Variants in ZBTB20 observed in about 807,000 individuals in gnomAD.
The protein encoded by ZBTB20 is zinc finger and BTB domain-containing protein 20.
Under a neutral mutation model 56.9 loss-of-function variants are expected in ZBTB20, and 9 were observed. The ratio of observed to expected loss-of-function variants is 0.16; its 90% CI spans 0.10 to 0.28. The LOEUF is 0.28. Ranked by LOEUF, ZBTB20 falls within the 10% of genes least tolerant of loss-of-function variation. The pLI is 1.00. For missense variants in ZBTB20, 655 were observed against 1,003.0 expected (o/e 0.65, Z 4.69); for synonymous variants, 417 against 420.7 (o/e 0.99, Z 0.11).
intron 1 of ZBTB20, among the ~76,000 whole-genome samples, chr3:115,131,202 T>C (rs1361133137): frequency 1.3e-5 from 2 of 152,196 alleles, no homozygotes; most frequent in Non-Finnish European, 2.9e-5. Flanking sequence ...ATATTTCCTC[T>C]CATAAATAGT....
chr3:114,817,720 T>C (rs1417070822), intron 4 of ZBTB20, among the ~76,000 whole-genome samples: 1 of 152,230 alleles, frequency 6.6e-6, no homozygotes, highest in South Asian at 2.1e-4. Flanking sequence ...GTGTTGTAAT[T>C]CATAATAACT....
chr3:115,146,728 G>A (rs1488417633), intron 1 of ZBTB20, among the ~76,000 whole-genome samples: 1 of 152,186 alleles, frequency 6.6e-6, no homozygotes, highest in Non-Finnish European at 1.5e-5. Context: ...AGCGGGGGAG[G>A]GCGAGGAGGG....
chr3:114,873,150 T>C (rs1356090510), intron 4 of ZBTB20: 1 of 152,160 alleles, frequency 6.6e-6, no homozygotes, highest in African/African-American at 2.4e-5. Context: ...CTGAATATCA[T>C]GAGAAACTAT....
At chr3:115,062,168 C>T (rs1389095775) in intron 2 of ZBTB20, among the ~76,000 whole-genome samples, 4 of 152,140 alleles carry the variant, frequency 2.6e-5, no homozygotes, top group Non-Finnish European at 4.4e-5. Context: ...GCCTGGAGAA[C>T]GTCCATCAGA....
At chr3:114,822,725 T>C (rs1163776969) in intron 4 of ZBTB20, among the ~76,000 whole-genome samples, 1 of 152,080 alleles carries the variant, frequency 6.6e-6, no homozygotes, top group Non-Finnish European at 1.5e-5. Flanking sequence ...ACAGAATTAT[T>C]CAGAGCATCT....
At chr3:114,528,313 T>C (rs1282145903) in intron 6 of ZBTB20, among the ~76,000 whole-genome samples, 2 of 152,196 alleles carry the variant, frequency 1.3e-5, no homozygotes, top group African/African-American at 4.8e-5. Flanking sequence ...TGTTCCCTTT[T>C]TCTTTGAAAA....
chr3:115,068,556 C>T (rs559648164), intron 2 of ZBTB20, among the ~76,000 whole-genome samples: 162 of 152,136 alleles, frequency 1.1e-3, no homozygotes, highest in African/African-American at 3.6e-3. Context: ...TAGGAATGAA[C>T]TGTGGAAATT....
intron 6 of ZBTB20, among the ~76,000 whole-genome samples, chr3:114,628,767 G>A (rs1418526384): frequency 6.6e-6 from 1 of 152,034 alleles, no homozygotes. Context: ...TTCTGATACA[G>A]GATCTCATAT....
intron 11 of ZBTB20, among the ~76,000 whole-genome samples, chr3:114,345,339 T>C (rs1324000121): frequency 1.3e-5 from 2 of 152,170 alleles, no homozygotes. Flanking sequence ...GGTGTAAAGA[T>C]AATACATGAT....
chr3:114,741,886 A>G (rs569884565), intron 5 of ZBTB20, among the ~76,000 whole-genome samples: 2 of 152,028 alleles, frequency 1.3e-5, no homozygotes, highest in African/African-American at 4.8e-5. Flanking sequence ...AAAAAAAAAA[A>G]AAAAGAAAAG....
intron 5 of ZBTB20, among the ~76,000 whole-genome samples, chr3:114,782,506 T>G (rs2070179005): frequency 6.6e-6 from 1 of 152,198 alleles, no homozygotes; most frequent in Admixed American, 6.5e-5. Flanking sequence ...TTTTGAAGTT[T>G]ATACATGTGT....
intron 4 of ZBTB20, among the ~76,000 whole-genome samples, chr3:114,893,519 A>G (rs2076897641): frequency 1.3e-5 from 2 of 152,166 alleles, no homozygotes; most frequent in South Asian, 2.1e-4. Context: ...AAGGTACACA[A>G]TGTGCCTTGC....
Position 114,835,394 on chromosome 3 carries a change from T to C in ZBTB20, c.-416-34220A>G, listed in dbSNP as rs556448595. Among the ~76,000 whole-genome samples the C allele has an allele frequency of 7.2e-5, 11 of 152,324 alleles. No homozygotes were observed. In the South Asian group the frequency reaches 1.4e-3, roughly 20 times the overall value. ...GGTGTCAAAAAAGTTGTTTTTTTAA[T>C]ATTCCTTTTAAATAAATAAAATCTG... On this transcript the variant is annotated intron_variant, in intron 4 of 11. Coordinates refer to ENST00000675478, the MANE Select transcript of ZBTB20 (RefSeq NM_001348800.3).
chr3:115,032,957 C>CAAAAA (rs2080756270), intron 2 of ZBTB20, among the ~76,000 whole-genome samples: 1 of 54,482 alleles, frequency 1.8e-5, no homozygotes, highest in African/African-American at 7.9e-5. Flanking sequence ...ACCTAAGGAA[C>CAAAAA]TAAAAAAAAA....
At chr3:114,756,866 G>A (rs1040476140) in intron 5 of ZBTB20, among the ~76,000 whole-genome samples, 1 of 152,052 alleles carries the variant, frequency 6.6e-6, no homozygotes, top group Non-Finnish European at 1.5e-5. Flanking sequence ...TACTATGCTT[G>A]GGACTTAAAT....
intron 2 of ZBTB20, among the ~76,000 whole-genome samples, chr3:114,986,803 AATG>A (rs1174276922): frequency 2.6e-5 from 4 of 152,168 alleles, no homozygotes; most frequent in Non-Finnish European, 5.9e-5. Flanking sequence ...AAAGATTCTA[AATG>A]ATAACACACT....
At chr3:114,370,028 A>G (rs1382483553) in intron 10 of ZBTB20, among the ~76,000 whole-genome samples, 2 of 152,222 alleles carry the variant, frequency 1.3e-5, no homozygotes, top group Non-Finnish European at 2.9e-5. Flanking sequence ...AATGTTGAGA[A>G]GAAGTAGAGA....
chr3:114,501,894 A>C (rs2044034253), intron 6 of ZBTB20, among the ~76,000 whole-genome samples: 1 of 151,570 alleles, frequency 6.6e-6, no homozygotes, highest in Non-Finnish European at 1.5e-5. Flanking sequence ...GTTTTAGTAG[A>C]AATGGGGTTT....
At chr3:114,938,062 G>A (rs1405357088) in intron 3 of ZBTB20, among the ~76,000 whole-genome samples, 1 of 151,888 alleles carries the variant, frequency 6.6e-6, no homozygotes, top group Non-Finnish European at 1.5e-5. Context: ...AGCTTGCAGT[G>A]AGCCGAGAAC....
Sources: allele counts gnomAD v4.1 joint callset (sites outside exome capture counted in the v4.1 genomes callset), GRCh38; gene constraint gnomAD v4.1.1; transcripts MANE v1.5; gene names NCBI Gene and HGNC (gene_info 2026-07-23, HGNC 2026-07-21).